Variants in PCGF3 observed in about 807,000 individuals in gnomAD.
PCGF3 encodes the protein polycomb group ring finger 3, also known as polycomb group RING finger protein 3.
PCGF3 carries 7 observed loss-of-function variants against 33.1 expected under a neutral mutation model. That is an observed-to-expected ratio of 0.21 (90% CI 0.12 to 0.40). The LOEUF (loss-of-function observed/expected upper bound fraction) is 0.40. Ranked by LOEUF, PCGF3 falls within the 10% of genes least tolerant of loss-of-function variation. The pLI is 1.00. For synonymous variants in PCGF3, 153 were observed against 121.3 expected (o/e 1.26, Z -1.72); for missense variants, 211 against 313.3 (o/e 0.67, Z 2.46).
chr4:757,808 G>GCA (rs1744833928), intron 8 of PCGF3: 1 of 152,140 alleles, frequency 6.6e-6, no homozygotes, highest in Admixed American at 6.5e-5. Flanking sequence ...CCTCTGGTTT[G>GCA]CAAGGTATAA....
intron 6 of PCGF3, among the ~76,000 whole-genome samples, chr4:739,620 T>C (rs1743997632): frequency 6.6e-6 from 1 of 152,200 alleles, no homozygotes; most frequent in Admixed American, 6.5e-5. Context: ...GTTCCACCCG[T>C]GTTTTTGGGA....
chr4:760,889 G>T (rs1206709298), intron 8 of PCGF3, among the ~76,000 whole-genome samples: 1 of 152,250 alleles, frequency 6.6e-6, no homozygotes, highest in Non-Finnish European at 1.5e-5. Context: ...TCTTCCTGCA[G>T]TCGCTGCTGT....
intron 1 of PCGF3, among the ~76,000 whole-genome samples, chr4:729,971 A>G (rs1743483802): frequency 6.6e-6 from 1 of 152,044 alleles, no homozygotes; most frequent in African/African-American, 2.4e-5. Flanking sequence ...AGCCACCCTG[A>G]TGCCCCATCC....
intron 5 of PCGF3, 59 bp downstream of exon 5, chr4:735,086 T>C (rs1184831254): frequency 6.4e-7 from 1 of 1,551,062 alleles, no homozygotes; most frequent in Non-Finnish European, 8.8e-7. Flanking sequence ...GGCGTCTCTG[T>C]GTGTGGGCCT....
intron 9 of PCGF3, chr4:764,607 G>GGTC: frequency 5.3e-6 from 1 of 190,258 alleles, no homozygotes; most frequent in South Asian, 9.9e-5. Context: ...GGTGTGATGG[G>GGTC]GCCTGTCAAG....
At chr4:713,402 TGTGGGGGCTGTGGCCTC>T (rs1450326759) in intron 1 of PCGF3, among the ~76,000 whole-genome samples, 2 of 129,994 alleles carry the variant, frequency 1.5e-5, no homozygotes, top group East Asian at 2.5e-4. Flanking sequence ...TGTGTGGCCT[TGTGGGGGCTGTGGCCTC>T]GTGGGGGCTG....
chr4:752,946 A>G (rs1296464022), intron 8 of PCGF3, among the ~76,000 whole-genome samples: 1 of 151,938 alleles, frequency 6.6e-6, no homozygotes, highest in Non-Finnish European at 1.5e-5. Flanking sequence ...CCCTGATGAA[A>G]CTCTTCTCTC....
chr4:765,928 C>T, intron 10 of PCGF3, 104 bp from the exon 11 acceptor site: 1 of 988,966 alleles, frequency 1.0e-6, no homozygotes, highest in Non-Finnish European at 1.6e-6. Context: ...TGCATGTGGA[C>T]TGTGCCTCAC....
intron 8 of PCGF3, among the ~76,000 whole-genome samples, chr4:759,978 C>T (rs1227390628): frequency 6.6e-6 from 1 of 152,178 alleles, no homozygotes; most frequent in African/African-American, 2.4e-5. Flanking sequence ...GTTCTCTCTC[C>T]AGACTCCCGG....
At chr4:726,677 G>A (rs1353677876) in intron 1 of PCGF3, among the ~76,000 whole-genome samples, 1 of 151,926 alleles carries the variant, frequency 6.6e-6, no homozygotes, top group Non-Finnish European at 1.5e-5. Context: ...CACCCACCCG[G>A]CCCTGGTTAT....
At chr4:769,591 G>A (rs868045492) in exon 11 of PCGF3, 2 of 152,270 alleles carry the variant, frequency 1.3e-5, no homozygotes, top group Admixed American at 6.6e-5. Flanking sequence ...GGGACAGGGT[G>A]CGGGCAATGG....
chr4:765,893 G>C (rs74322055), intron 10 of PCGF3, 139 bp from the exon 11 acceptor site: 4 of 746,454 alleles, frequency 5.4e-6, no homozygotes, highest in Non-Finnish European at 9.3e-6. Flanking sequence ...CTGTTGCTCA[G>C]AACAGAAGGG....
chr4:722,431 G>A (rs1577402302), intron 1 of PCGF3: 1 of 260,116 alleles, frequency 3.8e-6, no homozygotes. Context: ...TTTTGGGGGT[G>A]TCTGAGCTGG....
chr4:708,759 T>G (rs1008290227), intron 1 of PCGF3, among the ~76,000 whole-genome samples: 1 of 152,166 alleles, frequency 6.6e-6, no homozygotes, highest in African/African-American at 2.4e-5. Flanking sequence ...GTAGAGGCGT[T>G]TCCAGTGTCC....
chr4:743,455 G>T lies in PCGF3; in HGVS notation c.263-19G>T. On this transcript the variant is annotated intron_variant, in intron 6 of 10. Coordinates refer to ENST00000362003, the Ensembl canonical transcript of PCGF3. ...TCCACTGCCTGTGAGATGAAAGACT[G>T]TGTGTTGATTTTCCGCAGCGGAAAT... The T allele has an allele frequency of 6.9e-7, 1 of 1,442,002 alleles. No homozygotes were observed. Among genetic ancestry groups the T allele is most frequent in the Non-Finnish European group, 9.8e-7 (1 of 1,023,076 alleles). 89.3% of individuals were successfully genotyped at this position (1,442,002 alleles called of 1,614,324 possible). A position where few individuals can be genotyped will look rare whatever the true frequency, so the allele number is the denominator to read the frequency against.
At chr4:762,969 G>C (rs549289925) in intron 9 of PCGF3, 1 of 152,474 alleles carries the variant, frequency 6.6e-6, no homozygotes, top group East Asian at 1.9e-4. Context: ...CTCGGGACAG[G>C]CTGGCGTAGC....
At chr4:752,653 C>CAT in intron 8 of PCGF3, among the ~76,000 whole-genome samples, 2 of 152,294 alleles carry the variant, frequency 1.3e-5, no homozygotes, top group Middle Eastern at 6.8e-3. Context: ...GGTGGGGGGC[C>CAT]ATGCAGTCTT....
intron 1 of PCGF3, among the ~76,000 whole-genome samples, chr4:730,018 G>T (rs1175536706): frequency 6.6e-6 from 1 of 152,102 alleles, no homozygotes; most frequent in Non-Finnish European, 1.5e-5. Context: ...CTGGTCCCGG[G>T]TGGGGACTGT....
chr4:729,346 T>C (rs375326607), intron 1 of PCGF3, among the ~76,000 whole-genome samples: 28 of 150,812 alleles, frequency 1.9e-4, no homozygotes, highest in African/African-American at 5.6e-4. Context: ...GCCCAGGAGG[T>C]CAAGGCTGTA....
Sources: allele counts gnomAD v4.1 joint callset (sites outside exome capture counted in the v4.1 genomes callset), GRCh38; gene constraint gnomAD v4.1.1; transcripts MANE v1.5; gene names NCBI Gene and HGNC (gene_info 2026-07-23, HGNC 2026-07-21).